UBXN11: variants seen among roughly 807,000 people sequenced by gnomAD.
The protein encoded by UBXN11 is UBX domain protein 11.
Under a neutral mutation model 62.8 loss-of-function variants are expected in UBXN11, and 47 were observed. That is an observed-to-expected ratio of 0.75 (90% CI 0.59 to 0.95). The LOEUF (loss-of-function observed/expected upper bound fraction) is 0.95, where lower values mean the gene tolerates loss of function less well. Among genes scored for constraint, UBXN11 ranks in the 40% least tolerant of loss-of-function variants. The pLI, the probability that UBXN11 is intolerant of heterozygous loss-of-function variation, is 0.00. For synonymous variants in UBXN11, 294 were observed against 267.0 expected (o/e 1.10, Z -0.99); for missense variants, 638 against 661.7 (o/e 0.96, Z 0.39).
rs757843712 is a variant in UBXN11, at chr1:26,284,184, G to A, written c.1035C>T (p.Gly345=). 78 of 1,612,980 alleles carry A rather than the reference G, an allele frequency of 4.8e-5. No individual in the cohort carries two copies. Among genetic ancestry groups the A allele is most frequent in the African/African-American group, 4.8e-4 (36 of 74,884 alleles). ...TGGGGCCCCGGATGTCAATCACCTC[G>A]CCTTGCCGGATCACAAACTTGGGGA... ...NRLPKFVIRQ[G]EVIDIRGPIR... The change falls in exon 12 of 15, where the codon GGC becomes GGT. Residue 345 remains glycine (G), a synonymous_variant. Transcript: ENST00000374222.
Position 26,294,325 on chromosome 1 carries a change from G to A in UBXN11, c.439C>T (p.Leu147Phe). ...QRQVREMERF[L>F]SDYGLQWVGE... The stretch of plus-strand genomic sequence containing the variant: ...ACCCACTGCAGGCCATAGTCACTGA[G>A]GAACCGCTGTGGGAAAGAAGGGGGA... The change falls in exon 8 of 15, where the codon CTC (leucine) becomes TTC (phenylalanine). Residue 147 changes from leucine to phenylalanine, a missense_variant. By Grantham distance (22) the Leu-to-Phe change is conservative. Coordinates refer to ENST00000374222, the MANE Select transcript of UBXN11 (RefSeq NM_001389556.1). 1.2e-6 allele frequency: 2 copies of A among 1,606,738 alleles called. No homozygotes were observed. The highest frequency in any genetic ancestry group is 1.7e-6 in the Non-Finnish European group (2 of 1,177,964).
At chr1:26,316,672 G>A (rs1345551711) in intron 1 of UBXN11, among the ~76,000 whole-genome samples, 1 of 152,060 alleles carries the variant, frequency 6.6e-6, no homozygotes. Flanking sequence ...CAGTCAAATG[G>A]GGATAAACAT....
chr1:26,301,817 C>T, intron 2 of UBXN11, 95 bp from the exon 3 acceptor site: 2 of 1,535,502 alleles, frequency 1.3e-6, no homozygotes, highest in South Asian at 2.4e-5. Flanking sequence ...TCAGCCAAAG[C>T]TCAAAGAGAT....
At position 26,282,291 on chromosome 1, in the gene UBXN11, C is replaced by T. The variant is rs34209692; in HGVS notation, c.*8G>A. 406,318 of 1,452,934 alleles carry T rather than the reference C, an allele frequency of 0.28. 63,411 individuals carry two copies. The highest frequency in any genetic ancestry group is 0.3 in the Non-Finnish European group (334,665 of 1,097,718). 90.0% of individuals were successfully genotyped at this position (1,452,934 alleles called of 1,614,324 possible). A position where few individuals can be genotyped will look rare whatever the true frequency, so the allele number is the denominator to read the frequency against. ...CTGGCGGAGCAGCGGGTTGAGGGGG[C>T]GGGTGCTTTATTGGGGGCTGGGACT... is the stretch of plus-strand genomic sequence containing the variant. On this transcript the variant is annotated 3_prime_UTR_variant, in exon 15 of 15. Transcript: ENST00000374222.
At position 26,282,333 on chromosome 1, in the gene UBXN11, C is replaced by CCAGGACTGAATT. The variant is rs1557677229; in HGVS notation, c.1528_1529insAATTCAGTCCTG (p.Ser510delinsLysPheSerProGly). 8.1e-6 allele frequency: 6 copies of CCAGGACTGAATT among 741,748 alleles called. No homozygotes were observed. The highest frequency in any genetic ancestry group is 5.0e-5 in the Admixed American group (1 of 20,130). The allele number at this position is 741,748 out of a possible 1,614,324, so 45.9% of individuals were successfully genotyped here. A position where few individuals can be genotyped will look rare whatever the true frequency, so the allele number is the denominator to read the frequency against. On this transcript the variant is annotated protein_altering_variant, in exon 15 of 15. Transcript: ENST00000374222. ...GCTGGGACTGGGTCCAGGACAGGGA[C>CCAGGACTGAATT]TGGGGCCGGGACCGGGACCGGGACT...
chr1:26,305,552 T>C (rs534593579), intron 1 of UBXN11, among the ~76,000 whole-genome samples: 5 of 152,210 alleles, frequency 3.3e-5, no homozygotes, highest in South Asian at 2.1e-4. Context: ...TTCTGTTCTA[T>C]AGACTTGCCC....
chr1:26,286,141 C>G, intron 8 of UBXN11, 104 bp from the exon 9 acceptor site: 3 of 1,032,142 alleles, frequency 2.9e-6, no homozygotes, highest in Middle Eastern at 2.9e-4. Context: ...GTCTTAATGT[C>G]TCCTTAACTG....
Position 26,282,490 on chromosome 1 carries a change from C to T in UBXN11, c.1372G>A (p.Ala458Thr), listed in dbSNP as rs757708291. The change falls in exon 15 of 15, where the codon GCT (alanine) becomes ACT (threonine). Residue 458 changes from alanine to threonine, a missense_variant. Transcript: ENST00000374222. ...GCTGCTTTGGGCACAAGGCCTGCAG[C>T]CTGCAGCGTGAGTGTATCGTCCTGG... ...LYQDDTLTLQ[A>T]AGLVPKAALL... The T allele has an allele frequency of 6.2e-7, 1 of 1,607,474 alleles. No homozygotes were observed.
upstream of UBXN11, among the ~76,000 whole-genome samples, chr1:26,310,225 A>G (rs2073727160): frequency 6.6e-6 from 1 of 152,150 alleles, no homozygotes; most frequent in Admixed American, 6.5e-5. Context: ...ACATGACGAA[A>G]CCCTGTCTCT....
chr1:26,304,055 C>G (rs2073604431), intron 1 of UBXN11, among the ~76,000 whole-genome samples: 4 of 152,200 alleles, frequency 2.6e-5, no homozygotes, highest in Admixed American at 2.6e-4. Flanking sequence ...CTGCACCCAG[C>G]CTGGACCAAA....
chr1:26,292,883 C>G (rs2073304707), intron 8 of UBXN11, among the ~76,000 whole-genome samples: 1 of 151,816 alleles, frequency 6.6e-6, no homozygotes, highest in Admixed American at 6.6e-5. Flanking sequence ...GCAAATGGCA[C>G]AAAAATGGGA....
intron 3 of UBXN11, 77 bp from the exon 4 acceptor site, chr1:26,301,101 G>A (rs112484059): frequency 1.9e-6 from 3 of 1,608,790 alleles, no homozygotes; most frequent in African/African-American, 2.7e-5. Flanking sequence ...CCTCGCCAGT[G>A]TGACGCGGCC....
intron 7 of UBXN11, among the ~76,000 whole-genome samples, chr1:26,295,747 TTGTGTACC>T (rs974416736): frequency 1.1e-4 from 17 of 152,360 alleles, no homozygotes; most frequent in African/African-American, 3.6e-4. Flanking sequence ...CTCTCTGTAC[TTGTGTACC>T]TGTGTACTCG....
chr1:26,310,264 G>A (rs972004464), upstream of UBXN11, among the ~76,000 whole-genome samples: 4 of 151,964 alleles, frequency 2.6e-5, no homozygotes, highest in Admixed American at 2.6e-4. Context: ...TAGGCCAGGA[G>A]CAGTGGCTCA....
At chr1:26,295,042 C>T (rs750281946) in intron 7 of UBXN11, among the ~76,000 whole-genome samples, 1 of 152,142 alleles carries the variant, frequency 6.6e-6, no homozygotes, top group Non-Finnish European at 1.5e-5. Flanking sequence ...CAAATATATA[C>T]GACAGAACCC....
intron 12 of UBXN11, among the ~76,000 whole-genome samples, chr1:26,283,851 C>T (rs1040934798): frequency 1.3e-5 from 2 of 152,204 alleles, no homozygotes; most frequent in Non-Finnish European, 1.5e-5. Context: ...GTACCCAGTA[C>T]TGAGTTGGAT....
intron 8 of UBXN11, among the ~76,000 whole-genome samples, chr1:26,288,052 A>G (rs2073172248): frequency 6.6e-6 from 1 of 151,650 alleles, no homozygotes; most frequent in African/African-American, 2.4e-5. Context: ...ACAGGCAGGC[A>G]TCACCACACC....
intron 1 of UBXN11, among the ~76,000 whole-genome samples, chr1:26,312,480 G>A (rs1056391871): frequency 2.0e-5 from 3 of 151,456 alleles, no homozygotes; most frequent in Admixed American, 6.6e-5. Flanking sequence ...TCAAACTCCC[G>A]ACCTCAGGTG....
chr1:26,284,819 C>A (rs1286124566), intron 10 of UBXN11: 1 of 1,077,790 alleles, frequency 9.3e-7, no homozygotes, highest in Non-Finnish European at 1.1e-6. Context: ...GCAGCACAAA[C>A]CGCATCATCG....
Sources: gnomAD v4.1 joint callset for allele counts (sites outside exome capture counted in the v4.1 genomes callset) on GRCh38, gnomAD v4.1.1 for gene constraint, MANE v1.5 for transcripts, NCBI Gene and HGNC (gene_info 2026-07-23, HGNC 2026-07-21) for gene names.